The following LAMB4 variants were observed in gnomAD, a reference collection of about 807,000 sequenced individuals.
LAMB4 encodes laminin subunit beta-4.
Under a neutral mutation model 199.2 loss-of-function variants are expected in LAMB4, and 196 were observed. That is an observed-to-expected ratio of 0.98 (90% CI 0.88 to 1.11). The LOEUF (loss-of-function observed/expected upper bound fraction) is 1.11, where lower values mean the gene tolerates loss of function less well. Among genes scored for constraint, LAMB4 ranks in the 50% least tolerant of loss-of-function variants. The probability of loss-of-function intolerance (pLI) is 0.00; values close to 1 mark genes in which losing one functional copy is unlikely to be tolerated. For synonymous variants in LAMB4, 744 were observed against 770.6 expected (o/e 0.97, Z 0.57); for missense variants, 2,080 against 2,171.2 (o/e 0.96, Z 0.83).
intron 23 of LAMB4, among the ~76,000 whole-genome samples, chr7:108,059,715 T>TG (rs57373856): frequency 0.046 from 7,028 of 152,266 alleles, 552 homozygotes; most frequent in African/African-American, 0.16. Context: ...GCTGGCTCAC[T>TG]GAAGCCTGCA....
At chr7:108,047,849 TAAGCAG>T (rs1390474935) in intron 28 of LAMB4, 53 bp downstream of exon 28, 19 of 1,399,122 alleles carry the variant, frequency 1.4e-5, no homozygotes, top group Admixed American at 1.2e-4. Context: ...TTATAAATTT[TAAGCAG>T]TCTGCTTCTT....
intron 4 of LAMB4, among the ~76,000 whole-genome samples, chr7:108,110,572 T>C (rs1318066326): frequency 6.6e-6 from 1 of 152,086 alleles, no homozygotes; most frequent in African/African-American, 2.4e-5. Flanking sequence ...GCAGGCTGAG[T>C]GTCAAGGGTC....
At chr7:108,013,541 T>A in the LAMB4 span, among the ~76,000 whole-genome samples, 1 of 152,180 alleles carries the variant, frequency 6.6e-6, no homozygotes, top group Admixed American at 6.5e-5. Flanking sequence ...CCACTTTGGC[T>A]TTAGAGGCTC....
In LAMB4 at chr7:108,024,027, C is replaced by T. The variant is rs535598349; in HGVS notation, c.*12G>A. 6.3e-7 allele frequency: 1 copy of T among 1,595,046 alleles called. No homozygotes were observed. Among genetic ancestry groups the T allele is most frequent in the African/African-American group, 1.4e-5 (1 of 73,796 alleles). On this transcript the variant is annotated 3_prime_UTR_variant, in exon 34 of 34. Coordinates refer to ENST00000388781, the MANE Select transcript of LAMB4 (RefSeq NM_007356.3). Reference sequence around the variant, plus strand: ...AGAAACAAAGGCACAAGCTTTTGCTCTTTAACTCTGCCTAGCTATAGCACC... The same window carrying T: ...AGAAACAAAGGCACAAGCTTTTGCTTTTTAACTCTGCCTAGCTATAGCACC...
intron 3 of LAMB4, among the ~76,000 whole-genome samples, chr7:108,115,291 A>G (rs1433394679): frequency 3.3e-5 from 5 of 152,232 alleles, no homozygotes; most frequent in Non-Finnish European, 7.3e-5. Flanking sequence ...ATTACATGAG[A>G]GTTGGCTCTC....
In LAMB4 at chr7:108,107,726, A is replaced by T; in HGVS notation, c.496T>A (p.Ser166Thr). ...FKYFAKDCAT[S>T]FPNITSGQAQ... The stretch of plus-strand genomic sequence containing the variant: ...TGGCCAGATGTGATGTTAGGAAAGG[A>T]AGTGGCACAGTCTTTTGCAAAATAT... The change falls in exon 6 of 34, where the codon TCC becomes ACC. Residue 166 changes from serine to threonine, a missense_variant. Ser to Thr is a moderately conservative substitution (Grantham distance 58, BLOSUM62 1). Coordinates refer to ENST00000388781, the MANE Select transcript of LAMB4 (RefSeq NM_007356.3). 6.2e-7 allele frequency: 1 copy of T among 1,613,804 alleles called. No homozygotes were observed.
At chr7:108,020,470 C>CAAAAAAAAAAAA (rs57432162), downstream of LAMB4, among the ~76,000 whole-genome samples, 2 of 62,934 alleles carry the variant, frequency 3.2e-5, no homozygotes, top group Non-Finnish European at 7.7e-5. Flanking sequence ...GACTCCATCT[C>CAAAAAAAAAAAA]AAAAAAAAAA....
intron 17 of LAMB4, among the ~76,000 whole-genome samples, chr7:108,074,000 C>T (rs1440138978): frequency 6.6e-6 from 1 of 152,150 alleles, no homozygotes; most frequent in East Asian, 1.9e-4. Flanking sequence ...ATTTATAAGG[C>T]ACTGCTTTGC....
At chr7:108,020,003 G>A (rs138333786), downstream of LAMB4, among the ~76,000 whole-genome samples, 108 of 152,190 alleles carry the variant, frequency 7.1e-4, no homozygotes, top group East Asian at 0.019. Context: ...ATTTTCTGAT[G>A]TGGCTAGCTG....
chr7:108,094,367 G>C (rs180982317), intron 12 of LAMB4, among the ~76,000 whole-genome samples: 69 of 152,254 alleles, frequency 4.5e-4, no homozygotes, highest in African/African-American at 1.6e-3. Flanking sequence ...ACAATTTTCA[G>C]ATTTTTTGAC....
At position 108,106,675 on chromosome 7, in the gene LAMB4, C is replaced by T. The variant is rs189603519; in HGVS notation, c.592-103G>A. The T allele has an allele frequency of 5.7e-5, 37 of 648,356 alleles. No individual in the cohort carries two copies. The East Asian group carries it at 9.1e-4, about 16-fold the overall frequency. 40.2% of individuals were successfully genotyped at this position (648,356 alleles called of 1,614,324 possible). On this transcript the variant is annotated intron_variant, in intron 6 of 33. Coordinates refer to ENST00000388781, the MANE Select transcript of LAMB4 (RefSeq NM_007356.3). ...AACCTCCCAGGCCCAAGAAATCTTA[C>T]CACTTCAGCCTCCCAAGTAGCTGAG...
chr7:108,041,761 G>A (rs1194678833), intron 29 of LAMB4, among the ~76,000 whole-genome samples: 2 of 152,124 alleles, frequency 1.3e-5, no homozygotes, highest in African/African-American at 4.8e-5. Context: ...GAGGGTGGGA[G>A]GAAGGAGAAG....
intron 11 of LAMB4, among the ~76,000 whole-genome samples, chr7:108,097,893 T>C (rs189947583): frequency 2.0e-5 from 3 of 152,286 alleles, no homozygotes; most frequent in Admixed American, 2.0e-4. Context: ...TTTGTTCCAG[T>C]GGGGAAAATG....
rs1205595435 is a variant in LAMB4, at chr7:108,091,789, C to A, written c.1551-13G>T. 12 of 1,612,120 alleles carry A rather than the reference C, an allele frequency of 7.4e-6. No individual in the cohort carries two copies. Among genetic ancestry groups the A allele is most frequent in the Non-Finnish European group, 1.0e-5 (12 of 1,179,340 alleles). On this transcript the variant is annotated splice_polypyrimidine_tract_variant and intron_variant, in intron 13 of 33. Coordinates refer to ENST00000388781, the MANE Select transcript of LAMB4 (RefSeq NM_007356.3). Reference sequence around the variant, plus strand: ...CTTGGGTGAGCACCTGAGGAAAAAGCAATTCATCATGAAAAAATGCAAAGT... The same window carrying A: ...CTTGGGTGAGCACCTGAGGAAAAAGAAATTCATCATGAAAAAATGCAAAGT...
chr7:108,108,265 A>G (rs2038096812), intron 5 of LAMB4, among the ~76,000 whole-genome samples: 2 of 152,162 alleles, frequency 1.3e-5, no homozygotes, highest in South Asian at 4.1e-4. Flanking sequence ...CAATACACAC[A>G]CCACAGTCTC....
chr7:108,099,245 A>AG (rs1291592373), intron 10 of LAMB4, among the ~76,000 whole-genome samples: 1 of 152,204 alleles, frequency 6.6e-6, no homozygotes, highest in Non-Finnish European at 1.5e-5. Flanking sequence ...TTGATGGAAG[A>AG]GATTCTGGAA....
chr7:108,047,946 G>T lies in LAMB4; in HGVS notation c.4288C>A (p.Arg1430Ser). Residue 1430 changes from arginine to serine, a missense_variant, in exon 28 of 34, where the codon CGT becomes AGT. By Grantham distance (110) the Arg-to-Ser change is moderately radical. Transcript: ENST00000388781. ...CCACGAACCTGTTTGTCCAAATTAC[G>T]AATAATGGATTTTGCTTCCTGGGCT... ...QKAQEAKSII[R>S]NLDKQVRGLK... 1 of 1,614,032 alleles carries T rather than the reference G, an allele frequency of 6.2e-7. No homozygotes were observed. Among genetic ancestry groups the T allele is most frequent in the Non-Finnish European group, 8.5e-7 (1 of 1,179,970 alleles).
At chr7:108,091,339 T>C (rs1460994699) in intron 14 of LAMB4, among the ~76,000 whole-genome samples, 1 of 152,164 alleles carries the variant, frequency 6.6e-6, no homozygotes, top group Admixed American at 6.5e-5. Flanking sequence ...CTGATGGGTA[T>C]ACCTTGAAAC....
At chr7:108,119,190 A>C (rs768689136) in intron 2 of LAMB4, among the ~76,000 whole-genome samples, 1 of 152,212 alleles carries the variant, frequency 6.6e-6, no homozygotes, top group Non-Finnish European at 1.5e-5. Context: ...GTGGGAATGA[A>C]GAATGGTATA....
Sources: gnomAD v4.1 joint callset for allele counts (sites outside exome capture counted in the v4.1 genomes callset) on GRCh38, gnomAD v4.1.1 for gene constraint, MANE v1.5 for transcripts, NCBI Gene and HGNC (gene_info 2026-07-23, HGNC 2026-07-21) for gene names.